The following ADAM12 variants were observed in gnomAD, a reference collection of about 807,000 sequenced individuals.
ADAM12 encodes ADAM metallopeptidase domain 12, also known as disintegrin and metalloproteinase domain-containing protein 12.
ADAM12 carries 70 observed loss-of-function variants against 106.4 expected under a neutral mutation model. The observed-to-expected ratio is 0.66, with a 90% CI of 0.54 to 0.80. ADAM12 has a LOEUF of 0.80. Among genes scored for constraint, ADAM12 ranks in the 30% least tolerant of loss-of-function variants. The pLI is 0.00. For missense variants in ADAM12, 1,010 were observed against 1,171.9 expected (o/e 0.86, Z 2.02); for synonymous variants, 420 against 433.5 (o/e 0.97, Z 0.39).
intron 4 of ADAM12, among the ~76,000 whole-genome samples, chr10:126,152,433 G>A (rs949458416): frequency 3.9e-5 from 6 of 151,986 alleles, no homozygotes; most frequent in Non-Finnish European, 2.9e-5. Flanking sequence ...AGCATATACA[G>A]TTTCAAAATT....
rs535073399 is a variant in ADAM12, at chr10:126,064,462, C to T, written c.1609+344G>A. On this transcript the variant is annotated intron_variant, in intron 14 of 22. Coordinates refer to ENST00000448723, the MANE Select transcript of ADAM12 (RefSeq NM_001288973.2). The surrounding 1 kb of genome is among the most constrained non-coding windows in gnomAD (Gnocchi z 4.4). ...TTCATCCCTGCCATCCCTCGGGGCACGCAGTAGGTGCTCCTGCAGCTCCCG... is the reference window on the plus strand; with the variant it reads ...TTCATCCCTGCCATCCCTCGGGGCATGCAGTAGGTGCTCCTGCAGCTCCCG... 5.9e-5 allele frequency among the ~76,000 whole-genome samples: 9 copies of T among 152,308 alleles called. No individual in the cohort carries two copies. Among genetic ancestry groups the T allele is most frequent in the South Asian group, 4.1e-4 (2 of 4,826 alleles).
intron 1 of ADAM12, among the ~76,000 whole-genome samples, chr10:126,367,474 A>G (rs1250976508): frequency 6.6e-6 from 1 of 151,960 alleles, no homozygotes. Context: ...TGAGAATGTT[A>G]TGTTAATATT....
chr10:126,279,155 G>A (rs981406950), intron 2 of ADAM12, among the ~76,000 whole-genome samples, 167 bp from the exon 3 acceptor site: 7 of 152,166 alleles, frequency 4.6e-5, no homozygotes, highest in Admixed American at 1.3e-4. Flanking sequence ...TTTCTTAGCA[G>A]CTTAAAAAGA....
intron 1 of ADAM12, among the ~76,000 whole-genome samples, chr10:126,366,882 C>A (rs1480440508): frequency 6.6e-6 from 1 of 152,042 alleles, no homozygotes; most frequent in African/African-American, 2.4e-5. Flanking sequence ...GAAGACATAA[C>A]AATCCTAGAT....
chr10:126,303,411 T>C (rs968008402), intron 2 of ADAM12, among the ~76,000 whole-genome samples: 2 of 152,220 alleles, frequency 1.3e-5, no homozygotes, highest in African/African-American at 2.4e-5. Context: ...GTTAAATCGC[T>C]GTAGAAATCC....
At position 126,053,793 on chromosome 10, in the gene ADAM12, C is replaced by A. The variant is rs61863632; in HGVS notation, c.1610-4124G>T. ...TGATCTCGGCTCACTGCAACCTCTGCCTCCCGGGTTCAAGCTATTCTCCTG... is the reference window on the plus strand; with the variant it reads ...TGATCTCGGCTCACTGCAACCTCTGACTCCCGGGTTCAAGCTATTCTCCTG... On this transcript the variant is annotated intron_variant, in intron 14 of 22. Coordinates refer to ENST00000448723, the MANE Select transcript of ADAM12 (RefSeq NM_001288973.2). The surrounding 1 kb of genome is among the most constrained non-coding windows in gnomAD (Gnocchi z 4.6). Among the ~76,000 whole-genome samples, 32,012 of 151,324 alleles carry A rather than the reference C, an allele frequency of 0.21. 3,590 individuals are homozygous for A. Among genetic ancestry groups the A allele is most frequent in the Admixed American group, 0.31 (4,662 of 15,190 alleles).
At chr10:126,095,268 C>T (rs532265635) in intron 10 of ADAM12, among the ~76,000 whole-genome samples, 3 of 152,148 alleles carry the variant, frequency 2.0e-5, no homozygotes, top group Non-Finnish European at 4.4e-5. Context: ...GGCGCAGTGG[C>T]TCACGCCTGT....
rs377250057 is a variant in ADAM12, at chr10:126,296,562, C to T, written c.187-17574G>A. ...GTTCCCTCAGCTGTTCTCCCTGCCA[C>T]GTGGTTACAGACCAGCCTCTTTCTA... On this transcript the variant is annotated intron_variant, in intron 2 of 22. Transcript: ENST00000448723. 1.4e-4 allele frequency among the ~76,000 whole-genome samples: 21 copies of T among 152,336 alleles called. No homozygotes were observed. The South Asian group carries it at 3.7e-3, about 27-fold the overall frequency.
intron 3 of ADAM12, among the ~76,000 whole-genome samples, chr10:126,251,905 A>ATGAAT (rs1565168805): frequency 1.5e-4 from 1 of 6,518 alleles, no homozygotes. Flanking sequence ...TGGGATGGAT[A>ATGAAT]GGATGGATGG....
chr10:126,046,195 CATACCTGTATTCA>C lies in ADAM12; in HGVS notation c.1918-76_1918-64del, dbSNP rs1184152120. The C allele has an allele frequency of 4.1e-6, 6 of 1,453,942 alleles. No individual in the cohort carries two copies. In the African/African-American group the frequency reaches 8.4e-5, roughly 20 times the overall value. The allele number at this position is 1,453,942 out of a possible 1,614,324, so 90.1% of individuals were successfully genotyped here. A position where few individuals can be genotyped will look rare whatever the true frequency, so the allele number is the denominator to read the frequency against. ...TTCTCCAACCCCTCCAGCATGCATA[CATACCTGTATTCA>C]AACAAAAAGCAAGCAAAAGAAAGCT... On this transcript the variant is annotated intron_variant, in intron 16 of 22. Coordinates refer to ENST00000448723, the MANE Select transcript of ADAM12 (RefSeq NM_001288973.2).
At chr10:126,100,848 A>G (rs1955650618) in intron 9 of ADAM12, among the ~76,000 whole-genome samples, 1 of 152,220 alleles carries the variant, frequency 6.6e-6, no homozygotes, top group Non-Finnish European at 1.5e-5. Context: ...AGAGTTCTGT[A>G]GAGGGACAGG....
chr10:126,356,355 C>A (rs1039097673), intron 1 of ADAM12, among the ~76,000 whole-genome samples: 2 of 152,184 alleles, frequency 1.3e-5, no homozygotes, highest in Non-Finnish European at 2.9e-5. Context: ...GACACCTGAG[C>A]CCAGCTAGCT....
At chr10:126,301,300 C>T (rs1960613361) in intron 2 of ADAM12, among the ~76,000 whole-genome samples, 1 of 152,212 alleles carries the variant, frequency 6.6e-6, no homozygotes, top group Admixed American at 6.5e-5. Context: ...ACACAGCTCC[C>T]ACCCTTGTTA....
At chr10:126,343,911 C>G (rs1855036269) in intron 1 of ADAM12, among the ~76,000 whole-genome samples, 1 of 152,142 alleles carries the variant, frequency 6.6e-6, no homozygotes, top group Non-Finnish European at 1.5e-5. Flanking sequence ...TTTGTAGATT[C>G]TGCATATTAG....
chr10:126,191,900 C>G (rs984713048), intron 3 of ADAM12, among the ~76,000 whole-genome samples: 1 of 152,130 alleles, frequency 6.6e-6, no homozygotes, highest in Non-Finnish European at 1.5e-5. Flanking sequence ...TGGGAGGCCT[C>G]AGAAAACTTA....
At chr10:126,219,505 A>G (rs906835964) in intron 3 of ADAM12, among the ~76,000 whole-genome samples, 1 of 152,232 alleles carries the variant, frequency 6.6e-6, no homozygotes, top group African/African-American at 2.4e-5. Context: ...TCCACATTTT[A>G]TAGAGAAAAG....
At chr10:126,378,976 T>C (rs1398105639) in intron 1 of ADAM12, among the ~76,000 whole-genome samples, 1 of 152,178 alleles carries the variant, frequency 6.6e-6, no homozygotes, top group Non-Finnish European at 1.5e-5. Flanking sequence ...CAGCTGCATT[T>C]TGAGGTATAA....
chr10:126,030,665 A>G (rs1326521943), intron 21 of ADAM12, among the ~76,000 whole-genome samples: 1 of 152,210 alleles, frequency 6.6e-6, no homozygotes. Flanking sequence ...AGTTCCCTTC[A>G]GGGAGAGATC....
At chr10:126,186,755 G>C (rs746993568) in intron 3 of ADAM12, among the ~76,000 whole-genome samples, 3 of 152,156 alleles carry the variant, frequency 2.0e-5, no homozygotes, top group Non-Finnish European at 4.4e-5. Flanking sequence ...AGAGGTGGCC[G>C]GGGCTGGAAG....
Sources: gnomAD v4.1 joint callset for allele counts (sites outside exome capture counted in the v4.1 genomes callset) on GRCh38, gnomAD v4.1.1 for gene constraint, Gnocchi (gnomAD v3.1) non-coding constraint, MANE v1.5 for transcripts, NCBI Gene and HGNC (gene_info 2026-07-23, HGNC 2026-07-21) for gene names.